The following ZNF674 variants were observed in gnomAD, a reference collection of about 807,000 sequenced individuals.
The protein encoded by ZNF674 is zinc finger family member 674.
In ZNF674, 2 loss-of-function variants were observed where a neutral mutation model predicts 7.0. The ratio of observed to expected loss-of-function variants is 0.29; its 90% CI spans 0.12 to 0.90. ZNF674 has a LOEUF of 0.90. Ranked by LOEUF, ZNF674 falls within the 40% of genes least tolerant of loss-of-function variation. The pLI is 0.57. For synonymous variants in ZNF674, 103 were observed against 145.2 expected (o/e 0.71, Z 2.09); for missense variants, 297 against 415.5 (o/e 0.71, Z 2.48).
At chrX:46,506,856 A>T (rs947909795) in intron 5 of ZNF674, among the ~76,000 whole-genome samples, 1 of 111,769 alleles carries the variant, frequency 8.9e-6, no homozygotes, top group Admixed American at 9.6e-5. Flanking sequence ...GGGAATCCCC[A>T]GAGTGACACT....
Position 46,499,370 on chromosome X carries a change from C to G in ZNF674, c.*473G>C. On this transcript the variant is annotated 3_prime_UTR_variant, in exon 6 of 6. Transcript: ENST00000683375. ...TAGAGACAGAGTTTTGCCATGTTGC[C>G]CAGGCTGGTCTCAAACTTGTGAGCT... 2 of 116,148 alleles carry G rather than the reference C, an allele frequency of 1.7e-5. No homozygotes were observed. The highest frequency in any genetic ancestry group is 3.6e-5 in the Non-Finnish European group (2 of 55,711). The allele number at this position is 116,148 out of a possible 1,213,427, so 9.6% of individuals were successfully genotyped here. A position where few individuals can be genotyped will look rare whatever the true frequency, so the allele number is the denominator to read the frequency against.
At chrX:46,511,856 C>G (rs922190599) in intron 5 of ZNF674, among the ~76,000 whole-genome samples, 1 of 109,584 alleles carries the variant, frequency 9.1e-6, no homozygotes, top group South Asian at 3.9e-4. Flanking sequence ...AACCCTGTCT[C>G]TACTAAAAAT....
intron 3 of ZNF674, among the ~76,000 whole-genome samples, chrX:46,530,585 A>G (rs919197305): frequency 1.8e-5 from 2 of 109,902 alleles, no homozygotes; most frequent in African/African-American, 6.7e-5. Context: ...AGTTTGTTTA[A>G]CCAATCCAGA....
chrX:46,533,853 T>TAC (rs1182034444), intron 3 of ZNF674, among the ~76,000 whole-genome samples: 8 of 73,833 alleles, frequency 1.1e-4, no homozygotes, highest in South Asian at 1.6e-3. Context: ...TATATATATA[T>TAC]ACACACACAC....
chrX:46,526,072 C>T (rs1942005568), intron 5 of ZNF674, among the ~76,000 whole-genome samples: 1 of 111,881 alleles, frequency 8.9e-6, no homozygotes, highest in South Asian at 3.7e-4. Context: ...AGTGTAATCC[C>T]ATACAAAAAT....
At chrX:46,513,849 T>G (rs1941710081) in intron 5 of ZNF674, among the ~76,000 whole-genome samples, 1 of 110,988 alleles carries the variant, frequency 9.0e-6, no homozygotes, top group Admixed American at 9.7e-5. Context: ...GCAGATCACT[T>G]GAGTCCAGGA....
Position 46,500,586 on chromosome X carries a change from A to T in ZNF674, c.988T>A (p.Phe330Ile). The T allele has an allele frequency of 8.3e-7, 1 of 1,211,163 alleles. No individual in the cohort carries two copies. The highest frequency in any genetic ancestry group is 1.1e-6 in the Non-Finnish European group (1 of 895,052). ...GTAGTACATTTAATACCTTTATAAA[A>T]TGCTTGTCTAATGTGTGTTTTTTCA... ...RHEKTHIRQAFYKGIKCTTSS... is the reference protein window; with the variant it reads ...RHEKTHIRQAIYKGIKCTTSS... Residue 330 changes from phenylalanine (F) to isoleucine (I), a missense_variant, in exon 6 of 6, where the codon TTT becomes ATT. Physicochemically the swap from Phe to Ile is conservative, Grantham distance 21 (BLOSUM62 0). Transcript: ENST00000683375.
At chrX:46,507,599 G>T (rs1007769178) in intron 5 of ZNF674, among the ~76,000 whole-genome samples, 1 of 111,376 alleles carries the variant, frequency 9.0e-6, no homozygotes, top group African/African-American at 3.3e-5. Context: ...TATCCATGGA[G>T]GTTCTGGAAC....
At chrX:46,544,346 T>G (rs1043880347) in intron 2 of ZNF674, among the ~76,000 whole-genome samples, 155 bp downstream of exon 2, 7 of 112,992 alleles carry the variant, frequency 6.2e-5, no homozygotes, top group Admixed American at 1.9e-4. Context: ...GATCTGGGTC[T>G]GGGCTCTTGC....
chrX:46,500,769 G>C lies in ZNF674; in HGVS notation c.805C>G (p.His269Asp). Residue 269 changes from histidine to aspartate, a missense_variant, in exon 6 of 6, where the codon CAC (histidine) becomes GAC (aspartate). His to Asp is a moderately conservative substitution (Grantham distance 81, BLOSUM62 -1). Coordinates refer to ENST00000683375, the MANE Select transcript of ZNF674 (RefSeq NM_001190417.2). ...CATTCATAGGGCTTCTCCCCTGTGTGAGTTCTCTGGTGTGCTATGAGGGTT... is the reference window on the plus strand; with the variant it reads ...CATTCATAGGGCTTCTCCCCTGTGTCAGTTCTCTGGTGTGCTATGAGGGTT... The part of the protein sequence containing the change: ...KSTLIAHQRT[H>D]TGEKPYECSE... 7 of 1,199,973 alleles carry C rather than the reference G, an allele frequency of 5.8e-6. No individual in the cohort carries two copies. Among genetic ancestry groups the C allele is most frequent in the Non-Finnish European group, 7.9e-6 (7 of 888,775 alleles).
intron 3 of ZNF674, among the ~76,000 whole-genome samples, chrX:46,533,569 C>T (rs1399862253): frequency 1.8e-5 from 2 of 108,618 alleles, no homozygotes; most frequent in Admixed American, 1.0e-4. Context: ...CGAGACCAGC[C>T]TGGCCAACAT....
At chrX:46,524,083 C>A (rs767661792) in intron 5 of ZNF674, among the ~76,000 whole-genome samples, 1 of 110,917 alleles carries the variant, frequency 9.0e-6, no homozygotes, top group Non-Finnish European at 1.9e-5. Flanking sequence ...AACTTACCCT[C>A]CAAGAAAACT....
Position 46,500,640 on chromosome X carries a change from A to G in ZNF674, c.934T>C (p.Phe312Leu). 2 of 1,211,338 alleles carry G rather than the reference A, an allele frequency of 1.7e-6. No homozygotes were observed. The highest frequency in any genetic ancestry group is 2.2e-5 in the Admixed American group (1 of 46,037). The change falls in exon 6 of 6, where the codon TTT becomes CTT. Residue 312 changes from phenylalanine to leucine, a missense_variant. By Grantham distance (22) the Phe-to-Leu change is conservative (BLOSUM62 0). Coordinates refer to ENST00000683375, the MANE Select transcript of ZNF674 (RefSeq NM_001190417.2). ...CTAATAAGATGATATGAACTCTTAA[A>G]GGCTTTTGGACATTTGTCACATACA... ...PFVCDKCPKA[F>L]KSSYHLIRHE...
At chrX:46,505,534 G>A (rs1302752213) in intron 5 of ZNF674, among the ~76,000 whole-genome samples, 1 of 111,725 alleles carries the variant, frequency 9.0e-6, no homozygotes, top group African/African-American at 3.3e-5. Context: ...GCTTTGGGGG[G>A]CCGAGGCGGA....
At chrX:46,516,921 T>C (rs2223500) in intron 5 of ZNF674, among the ~76,000 whole-genome samples, 29,550 of 108,053 alleles carry the variant, frequency 0.27, 3,146 homozygotes, top group Middle Eastern at 0.39. Context: ...TGCTTGAACC[T>C]GGGAGGCAGA....
At position 46,500,027 on chromosome X, in the gene ZNF674, C is replaced by T. The variant is rs757901672; in HGVS notation, c.1547G>A (p.Gly516Glu). 1.7e-6 allele frequency: 2 copies of T among 1,210,541 alleles called. No homozygotes were observed. Among genetic ancestry groups the T allele is most frequent in the African/African-American group, 3.5e-5 (2 of 57,715 alleles). ...TLIKHQRIHT[G>E]EKPYKCSECG... The stretch of plus-strand genomic sequence containing the variant: ...TTCACTACATTTGTAAGGTTTTTCT[C>T]CTGTATGAATTCTCTGATGTTTGAT... The change falls in exon 6 of 6, where the codon GGA becomes GAA. Residue 516 changes from glycine (G) to glutamate (E), a missense_variant. Gly to Glu is a moderately conservative substitution (Grantham distance 98). Coordinates refer to ENST00000683375, the MANE Select transcript of ZNF674 (RefSeq NM_001190417.2).
chrX:46,524,913 G>A (rs1290782769), intron 5 of ZNF674, among the ~76,000 whole-genome samples: 1 of 109,745 alleles, frequency 9.1e-6, no homozygotes, highest in African/African-American at 3.3e-5. Flanking sequence ...TGGAGGCTAA[G>A]GCAGGAAGAT....
chrX:46,505,724 T>C (rs1255336040), intron 5 of ZNF674, among the ~76,000 whole-genome samples: 2 of 110,461 alleles, frequency 1.8e-5, no homozygotes, highest in South Asian at 3.8e-4. Context: ...TGAGCCAAGA[T>C]TGTGCCATTG....
rs755546431 is a variant in ZNF674 at position 46,531,477 on chromosome X, C to T, written c.16-2568G>A. 2.1e-3 allele frequency among the ~76,000 whole-genome samples: 233 copies of T among 111,729 alleles called. 1 individual carries two copies. Among genetic ancestry groups the T allele is most frequent in the African/African-American group, 7.4e-3 (227 of 30,760 alleles). ...CTCAACCTGTGGGAGCTGACGCTAA[C>T]TCCAGGTAGATGGTGTCAGAATGGA... On this transcript the variant is annotated intron_variant, in intron 3 of 5. Coordinates refer to ENST00000683375, the MANE Select transcript of ZNF674 (RefSeq NM_001190417.2).
Sources: gnomAD v4.1 joint callset for allele counts (sites outside exome capture counted in the v4.1 genomes callset) on GRCh38, gnomAD v4.1.1 for gene constraint, MANE v1.5 for transcripts, NCBI Gene and HGNC (gene_info 2026-07-23, HGNC 2026-07-21) for gene names.